MTHFD1L: variants seen among roughly 807,000 people sequenced by gnomAD.
The protein encoded by MTHFD1L is methylenetetrahydrofolate dehydrogenase (NADP+ dependent) 1 like.
Under a neutral mutation model 119.5 loss-of-function variants are expected in MTHFD1L, and 81 were observed. The observed-to-expected ratio is 0.68, with a 90% confidence interval of 0.57 to 0.82. The LOEUF (loss-of-function observed/expected upper bound fraction) is 0.82, where lower values mean the gene tolerates loss of function less well. MTHFD1L is among the 40% of genes least tolerant of loss of function. The pLI, the probability that MTHFD1L is intolerant of heterozygous loss-of-function variation, is 0.00. For synonymous variants in MTHFD1L, 430 were observed against 475.2 expected (o/e 0.90, Z 1.24); for missense variants, 1,125 against 1,253.4 (o/e 0.90, Z 1.55).
rs531709823 is a variant in MTHFD1L, at chr6:150,907,885, C to A, written c.892+2124C>A. The stretch of plus-strand genomic sequence containing the variant: ...CAGAATAGTACCTGACGCTTAGTAA[C>A]CGCTCTGTGAAATTTTTTTTTTTTT... On this transcript the variant is annotated intron_variant, in intron 8 of 27. Coordinates refer to ENST00000367321, the MANE Select transcript of MTHFD1L (RefSeq NM_015440.5). Among the ~76,000 whole-genome samples, 15 of 149,706 alleles carry A rather than the reference C, an allele frequency of 1.0e-4. No individual in the cohort carries two copies. In the South Asian group the frequency reaches 3.0e-3, roughly 30 times the overall value.
intron 20 of MTHFD1L, among the ~76,000 whole-genome samples, chr6:151,002,511 G>A (rs77612076): frequency 0.032 from 4,876 of 152,234 alleles, 124 homozygotes; most frequent in African/African-American, 0.07. Context: ...GACAGCTGCC[G>A]CCGCCCATGC....
intron 26 of MTHFD1L, among the ~76,000 whole-genome samples, chr6:151,063,785 G>T (rs1302633498): frequency 6.6e-6 from 1 of 151,962 alleles, no homozygotes; most frequent in African/African-American, 2.4e-5. Flanking sequence ...GTCAAGAATG[G>T]GATAGGAAGA....
At chr6:151,099,147 G>A (rs548059976) in intron 27 of MTHFD1L, among the ~76,000 whole-genome samples, 136 of 148,742 alleles carry the variant, frequency 9.1e-4, no homozygotes, top group African/African-American at 3.3e-3. Flanking sequence ...CTGCACTCCA[G>A]TGTGGGCAAC....
intron 27 of MTHFD1L, among the ~76,000 whole-genome samples, chr6:151,093,223 G>A (rs1389434151): frequency 1.3e-5 from 2 of 152,134 alleles, no homozygotes; most frequent in African/African-American, 2.4e-5. Context: ...TTCCCACCTT[G>A]CAGCTGCGTC....
At position 150,918,594 on chromosome 6, in the gene MTHFD1L, T is replaced by C. The variant is rs1390659109; in HGVS notation, c.910T>C (p.Ser304Pro). 8.1e-6 allele frequency: 13 copies of C among 1,613,874 alleles called. No individual in the cohort carries two copies. The highest frequency in any genetic ancestry group is 1.3e-5 in the African/African-American group (1 of 74,926). Residue 304 changes from serine to proline, a missense_variant, in exon 9 of 28, where the codon TCT becomes CCT. Transcript: ENST00000367321. ...TTTTACAGGGAAGGTTGGGTGTGGC[T>C]CTCCAAGAATACATTTTGGTGGACT... Reference protein sequence around the residue: ...DFLSGKVGCGSPRIHFGGLIE... With the variant: ...DFLSGKVGCGPPRIHFGGLIE...
At chr6:151,071,147 G>A (rs1791901941) in intron 26 of MTHFD1L, among the ~76,000 whole-genome samples, 1 of 152,178 alleles carries the variant, frequency 6.6e-6, no homozygotes, top group Non-Finnish European at 1.5e-5. Context: ...AAACTTTTGT[G>A]TAAGCTCCAG....
chr6:151,012,346 T>G (rs1197264814), intron 21 of MTHFD1L, among the ~76,000 whole-genome samples: 2 of 152,190 alleles, frequency 1.3e-5, no homozygotes, highest in African/African-American at 4.8e-5. Context: ...GCTCTGTATT[T>G]TTGAACCATG....
intron 10 of MTHFD1L, among the ~76,000 whole-genome samples, chr6:150,922,852 C>T (rs968349626): frequency 6.7e-5 from 10 of 149,500 alleles, no homozygotes; most frequent in Non-Finnish European, 1.3e-4. Context: ...ACCATTTTGG[C>T]CAGCCGGTCT....
rs147812775 is a variant in MTHFD1L, at chr6:151,073,808, A to G, written c.2848-18659A>G. On this transcript the variant is annotated intron_variant, in intron 26 of 27. Transcript: ENST00000367321. Reference sequence around the variant, plus strand: ...AACAGAAAAAGGCTGAAAAGAAGCAAGAGAGCAACATTGAGCTTTGGGATC... The same window carrying G: ...AACAGAAAAAGGCTGAAAAGAAGCAGGAGAGCAACATTGAGCTTTGGGATC... Among the ~76,000 whole-genome samples the G allele has an allele frequency of 2.0e-5, 3 of 152,344 alleles. No individual in the cohort carries two copies. In the East Asian group the frequency reaches 5.8e-4, roughly 29 times the overall value.
At chr6:150,894,881 G>A (rs1451849602) in intron 7 of MTHFD1L, among the ~76,000 whole-genome samples, 2 of 152,302 alleles carry the variant, frequency 1.3e-5, no homozygotes, top group Admixed American at 6.5e-5. Flanking sequence ...ACTTACGCCC[G>A]TTGAGGTGTA....
intron 20 of MTHFD1L, among the ~76,000 whole-genome samples, chr6:150,993,698 A>G (rs1287430264): frequency 6.6e-6 from 1 of 152,132 alleles, no homozygotes; most frequent in African/African-American, 2.4e-5. Flanking sequence ...AAAGTGCCGT[A>G]AGTACCGATT....
rs4869699 is a variant in MTHFD1L at position 150,926,594 on chromosome 6, A to G, written c.1256+299A>G. On this transcript the variant is annotated intron_variant, in intron 11 of 27. Coordinates refer to ENST00000367321, the MANE Select transcript of MTHFD1L (RefSeq NM_015440.5). This position sits in a 1 kb window ranked among gnomAD's most constrained non-coding sequence, Gnocchi z 4.3. ...TTTTTGAATTTCATTTTTCATTATA[A>G]AAATCAAAATAGGAATTGAAAGTAA... is the stretch of plus-strand genomic sequence containing the variant. Among the ~76,000 whole-genome samples, 2,331 of 152,330 alleles carry G rather than the reference A, an allele frequency of 0.015. 29 individuals carry two copies. Among genetic ancestry groups the G allele is most frequent in the South Asian group, 0.065 (313 of 4,834 alleles).
chr6:151,058,129 G>A (rs755596074), intron 26 of MTHFD1L, among the ~76,000 whole-genome samples: 14 of 152,216 alleles, frequency 9.2e-5, no homozygotes, highest in Non-Finnish European at 1.6e-4. Flanking sequence ...TCCATGGAGG[G>A]CTTAAGCTTT....
intron 5 of MTHFD1L, among the ~76,000 whole-genome samples, chr6:150,884,602 A>T (rs1487372591): frequency 6.6e-6 from 1 of 152,160 alleles, no homozygotes; most frequent in Admixed American, 6.5e-5. Flanking sequence ...TCATAAAAGG[A>T]GGGGAATTCA....
intron 7 of MTHFD1L, among the ~76,000 whole-genome samples, chr6:150,891,689 T>C (rs1007920942): frequency 6.6e-6 from 1 of 152,042 alleles, no homozygotes; most frequent in Non-Finnish European, 1.5e-5. Context: ...AAAGGAAACC[T>C]AGACACCTTC....
Position 151,075,806 on chromosome 6 carries a change from C to A in MTHFD1L, c.2848-16661C>A, listed in dbSNP as rs557160984. Among the ~76,000 whole-genome samples the A allele has an allele frequency of 6.6e-5, 10 of 152,302 alleles. No individual in the cohort carries two copies. The East Asian group carries it at 1.9e-3, about 29-fold the overall frequency. On this transcript the variant is annotated intron_variant, in intron 26 of 27. Transcript: ENST00000367321. ...TAAATTAGAAATCAACACTGAAAGA[C>A]ATCTGGAAACACTCCAAATATTTGG...
chr6:150,948,354 C>G (rs1794335488), intron 15 of MTHFD1L, among the ~76,000 whole-genome samples: 1 of 150,516 alleles, frequency 6.6e-6, no homozygotes, highest in African/African-American at 2.5e-5. Flanking sequence ...GAGTCTTGCT[C>G]TGTCACTCAG....
chr6:150,933,963 C>G (rs1583640659), intron 11 of MTHFD1L, among the ~76,000 whole-genome samples: 1 of 152,150 alleles, frequency 6.6e-6, no homozygotes, highest in African/African-American at 2.4e-5. Context: ...CTTTTGGACT[C>G]TCTTCTTCTG....
intron 20 of MTHFD1L, among the ~76,000 whole-genome samples, chr6:150,998,995 A>AAAAAAAAAAATGTATATGT (rs986639098): frequency 7.0e-6 from 1 of 143,586 alleles, no homozygotes; most frequent in Non-Finnish European, 1.5e-5. Flanking sequence ...GTCTTAAAAA[A>AAAAAAAAAAATGTATATGT]ATATATATAC....
Sources: gnomAD v4.1 joint callset for allele counts (sites outside exome capture counted in the v4.1 genomes callset) on GRCh38, gnomAD v4.1.1 for gene constraint, Gnocchi (gnomAD v3.1) non-coding constraint, MANE v1.5 for transcripts, NCBI Gene and HGNC (gene_info 2026-07-23, HGNC 2026-07-21) for gene names.